The following CYP11B1 variants were observed in gnomAD, a reference collection of about 807,000 sequenced individuals.
CYP11B1 encodes the protein cytochrome P450 11B1, mitochondrial.
Under a neutral mutation model 48.3 loss-of-function variants are expected in CYP11B1, and 34 were observed. The ratio of observed to expected loss-of-function variants is 0.70; its 90% CI spans 0.54 to 0.94. CYP11B1 has a LOEUF of 0.94. Among genes scored for constraint, CYP11B1 ranks in the 40% least tolerant of loss-of-function variants. The pLI, the probability that CYP11B1 is intolerant of heterozygous loss-of-function variation, is 0.00. For synonymous variants in CYP11B1, 291 were observed against 262.5 expected, an observed-to-expected ratio of 1.11 and a Z score of -1.05; for missense variants, 688 against 657.4, an observed-to-expected ratio of 1.05 and a Z score of -0.51.
At chr8:142,879,282 C>T (rs866099975) in intron 1 of CYP11B1, 95 bp from the exon 2 acceptor site, 1 of 1,608,882 alleles carries the variant, frequency 6.2e-7, no homozygotes, top group Non-Finnish European at 8.5e-7. Context: ...GTCCACCCTC[C>T]CCTCTCCTGG....
intron 2 of CYP11B1, 149 bp downstream of exon 2, chr8:142,878,883 C>T: frequency 8.1e-7 from 1 of 1,228,162 alleles, no homozygotes; most frequent in Non-Finnish European, 1.2e-6. Context: ...GACACGACCC[C>T]ACGGAATGGC....
At chr8:142,879,532 C>A (rs759489306) in intron 1 of CYP11B1, 43 bp downstream of exon 1, 2 of 1,614,200 alleles carry the variant, frequency 1.2e-6, no homozygotes, top group Admixed American at 1.7e-5. Flanking sequence ...GCAGCAAGGG[C>A]AGGGCTCTGG....
chr8:142,876,214 C>G (rs539928761), intron 5 of CYP11B1, 27 bp downstream of exon 5: 3 of 1,614,052 alleles, frequency 1.9e-6, no homozygotes, highest in African/African-American at 1.3e-5. Flanking sequence ...ATCACCCTCT[C>G]TGGGTGGGGC....
Position 142,879,188 on chromosome 8 carries a change from CT to C in CYP11B1, c.240-2del. 1 of 1,614,074 alleles carries C rather than the reference CT, an allele frequency of 6.2e-7. No homozygotes were observed. On this transcript the variant is annotated splice_acceptor_variant, in intron 1 of 8. Coordinates refer to ENST00000292427, the MANE Select transcript of CYP11B1 (RefSeq NM_000497.4). LOFTEE classifies it high-confidence loss of function. ...CATGCCTGCTCCTCCCAAGTCGTAC[CT>C]GTGGGGCCAAGCACGAGGCCGTGCT... is the stretch of plus-strand genomic sequence containing the variant.
chr8:142,877,890 T>C, intron 2 of CYP11B1: 1 of 1,444,680 alleles, frequency 6.9e-7, no homozygotes, highest in Middle Eastern at 1.8e-4. Context: ...CTGTTGACAG[T>C]GATGGCAGGC....
intron 8 of CYP11B1, 118 bp downstream of exon 8, chr8:142,874,839 C>G (rs1816880833): frequency 9.2e-6 from 12 of 1,303,984 alleles, no homozygotes; most frequent in Non-Finnish European, 1.1e-5. Flanking sequence ...CCGGCTCTGC[C>G]CAGTCCAGGA....
intron 8 of CYP11B1, 41 bp downstream of exon 8, chr8:142,874,916 C>G (rs1220745544): frequency 6.2e-7 from 1 of 1,608,816 alleles, no homozygotes; most frequent in African/African-American, 1.3e-5. Flanking sequence ...CCATGCTGCC[C>G]AGACCCCGCC....
Position 142,875,055 on chromosome 8 carries a change from A to C in CYP11B1, c.1300T>G (p.Ser434Ala). The change falls in exon 8 of 9, where the codon TCC becomes GCC. Residue 434 changes from serine (S) to alanine (A), a missense_variant. By Grantham distance (99) the Ser-to-Ala change is moderately conservative (BLOSUM62 1). Transcript: ENST00000292427. ...NPQRWLDIRG[S>A]GRNFYHVPFG... is the part of the protein sequence containing the mutation. ...GGCACGTGGTAGAAGTTCCTGCCGGAGCCCCTGATGTCTAGCCAGCGCTGG... is the reference window on the plus strand; with the variant it reads ...GGCACGTGGTAGAAGTTCCTGCCGGCGCCCCTGATGTCTAGCCAGCGCTGG... The C allele has an allele frequency of 6.2e-7, 1 of 1,614,232 alleles. No homozygotes were observed. Among genetic ancestry groups the C allele is most frequent in the Non-Finnish European group, 8.5e-7 (1 of 1,180,042 alleles).
chr8:142,878,988 C>A, intron 2 of CYP11B1, 44 bp downstream of exon 2: 1 of 1,610,900 alleles, frequency 6.2e-7, no homozygotes, highest in Non-Finnish European at 8.5e-7. Context: ...CCCCCCTACA[C>A]CCAGGCTGCC....
chr8:142,875,488 C>T, intron 6 of CYP11B1, 176 bp from the exon 7 acceptor site: 2 of 1,061,970 alleles, frequency 1.9e-6, no homozygotes, highest in South Asian at 2.8e-5. Context: ...CTTAAGCAGC[C>T]CCGAGCGCAG....
intron 4 of CYP11B1, 46 bp from the exon 5 acceptor site, chr8:142,876,441 A>G (rs1195067405): frequency 7.6e-6 from 12 of 1,587,612 alleles, no homozygotes; most frequent in African/African-American, 2.7e-5. Context: ...GTGCTGGGAG[A>G]CATCCTTCAG....
At chr8:142,877,854 A>C in intron 2 of CYP11B1, 3 of 1,584,044 alleles carry the variant, frequency 1.9e-6, no homozygotes, top group Non-Finnish European at 2.6e-6. Flanking sequence ...TCAAAGCTTT[A>C]TTTATGTCCA....
rs763711809 is a variant in CYP11B1, at chr8:142,878,112, AAC to A, written c.396-892_396-891del. ...ACACGTGCAAATGCAGGTACAGAGA[AAC>A]ACACAGCATGTGCACAGATGCAAGA... On this transcript the variant is annotated intron_variant, in intron 2 of 8. Transcript: ENST00000292427. Among the ~76,000 whole-genome samples the A allele has an allele frequency of 3.0e-4, 46 of 152,118 alleles. 1 individual carries two copies. Among genetic ancestry groups the A allele is most frequent in the Admixed American group, 2.0e-3 (31 of 15,278 alleles).
chr8:142,874,811 G>A, intron 8 of CYP11B1, 146 bp downstream of exon 8: 1 of 1,017,728 alleles, frequency 9.8e-7, no homozygotes, highest in South Asian at 1.4e-5. Flanking sequence ...CCTCAACCTG[G>A]CCCAGGTTCT....
At position 142,875,731 on chromosome 8, in the gene CYP11B1, C is replaced by A; in HGVS notation, c.1102G>T (p.Ala368Ser). 1.2e-6 allele frequency: 2 copies of A among 1,614,004 alleles called. No homozygotes were observed. Among genetic ancestry groups the A allele is most frequent in the Non-Finnish European group, 1.7e-6 (2 of 1,179,996 alleles). ...ATTELPLLRAALKETLRLYPV... is the reference protein window; with the variant it reads ...ATTELPLLRASLKETLRLYPV... ...ACCCACCGCAAGGTCTCCTTGAGGG[C>A]CGCACGCAGCAAGGGCAGCTCGGTG... The change falls in exon 6 of 9, where the codon GCC becomes TCC. Residue 368 changes from alanine to serine, a missense_variant. Ala to Ser is a moderately conservative substitution (Grantham distance 99, BLOSUM62 1). Transcript: ENST00000292427.
chr8:142,877,826 G>A (rs761547427), intron 2 of CYP11B1: 1 of 1,595,114 alleles, frequency 6.3e-7, no homozygotes, highest in Admixed American at 1.7e-5. Context: ...TCCCCTGTCA[G>A]CCACATTTCT....
intron 2 of CYP11B1, chr8:142,877,852 T>A (rs756533911): frequency 1.2e-5 from 19 of 1,585,382 alleles, no homozygotes; most frequent in Non-Finnish European, 1.5e-5. Flanking sequence ...ACTCAAAGCT[T>A]TATTTATGTC....
chr8:142,878,392 G>A (rs1314073072), intron 2 of CYP11B1, among the ~76,000 whole-genome samples: 1 of 152,164 alleles, frequency 6.6e-6, no homozygotes. Flanking sequence ...CAACATTCCT[G>A]CAGGTGACTG....
rs568705604 is a variant in CYP11B1 at position 142,876,334 on chromosome 8, G to A, written c.861C>T (p.Thr287=). ...ELAFSRPQQY[T]SIVAELLLNA... Reference sequence around the variant, plus strand: ...TCAACAGGAGCTCCGCCACGATGCTGGTGTACTGTTGAGGGCGGCTGAAGG... The same window carrying A: ...TCAACAGGAGCTCCGCCACGATGCTAGTGTACTGTTGAGGGCGGCTGAAGG... Residue 287 remains threonine (T), a synonymous_variant, in exon 5 of 9, where the codon ACC becomes ACT. Transcript: ENST00000292427. The A allele has an allele frequency of 6.2e-7, 1 of 1,611,880 alleles. No individual in the cohort carries two copies. Among genetic ancestry groups the A allele is most frequent in the East Asian group, 2.2e-5 (1 of 44,878 alleles).
Sources: allele counts gnomAD v4.1 joint callset (sites outside exome capture counted in the v4.1 genomes callset), GRCh38; gene constraint gnomAD v4.1.1; transcripts MANE v1.5; gene names NCBI Gene and HGNC (gene_info 2026-07-23, HGNC 2026-07-21).